PAGE2B: variants seen among roughly 807,000 people sequenced by gnomAD.
The protein encoded by PAGE2B is putative G antigen family E member 3.
A neutral mutation model predicts 7.6 loss-of-function variants in PAGE2B; 5 were observed. The observed-to-expected ratio is 0.66, with a 90% CI of 0.34 to 1.38. PAGE2B has a LOEUF of 1.38. Ranked by LOEUF, PAGE2B falls within the 40% of genes most tolerant of loss-of-function variation. The pLI is 0.04. For missense variants in PAGE2B, 70 were observed against 78.4 expected (o/e 0.89, Z 0.41); for synonymous variants, 29 against 26.7 (o/e 1.09, Z -0.27).
At chrX:55,038,249 T>C in the PAGE2B span, among the ~76,000 whole-genome samples, 10 of 110,759 alleles carry the variant, frequency 9.0e-5, no homozygotes, top group Non-Finnish European at 1.9e-4. Flanking sequence ...AATTTTGCCT[T>C]TCCCCATTTA....
At chrX:55,028,841 G>T in the PAGE2B span, among the ~76,000 whole-genome samples, 1 of 111,176 alleles carries the variant, frequency 9.0e-6, no homozygotes, top group Non-Finnish European at 1.9e-5. Flanking sequence ...GTCAATTTAG[G>T]GTATAAAGAG....
At chrX:55,030,145 A>C in the PAGE2B span, among the ~76,000 whole-genome samples, 1 of 111,585 alleles carries the variant, frequency 9.0e-6, no homozygotes, top group Non-Finnish European at 1.9e-5. Context: ...AAACAGGAAA[A>C]TTTAGAAGAT....
chrX:55,044,580 A>C, the PAGE2B span, among the ~76,000 whole-genome samples: 2 of 109,350 alleles, frequency 1.8e-5, no homozygotes, highest in African/African-American at 6.8e-5. Context: ...ATGAAACATC[A>C]CCTATTCCCC....
chrX:55,028,440 T>C, the PAGE2B span, among the ~76,000 whole-genome samples: 101 of 110,761 alleles, frequency 9.1e-4, no homozygotes, highest in African/African-American at 3.2e-3. Context: ...GCCAACAACA[T>C]TGGGGTATGT....
chrX:55,074,194 C>A (rs1304088975), upstream of PAGE2B, among the ~76,000 whole-genome samples: 1 of 111,289 alleles, frequency 9.0e-6, no homozygotes, highest in Non-Finnish European at 1.9e-5. Flanking sequence ...AGGAAGATGG[C>A]TATTGTCCCA....
the PAGE2B span, among the ~76,000 whole-genome samples, chrX:55,060,613 T>C: frequency 4.2e-3 from 469 of 111,796 alleles, 3 homozygotes; most frequent in African/African-American, 0.015. Context: ...TGCAAAAGCT[T>C]TTTACTTTGA....
At chrX:55,051,744 A>C in the PAGE2B span, among the ~76,000 whole-genome samples, 1 of 110,503 alleles carries the variant, frequency 9.0e-6, no homozygotes, top group Admixed American at 9.7e-5. Flanking sequence ...CTTCTTTGTC[A>C]TTTGTTCGAA....
the PAGE2B span, among the ~76,000 whole-genome samples, chrX:55,062,977 A>G: frequency 5.4e-3 from 599 of 111,482 alleles, 1 homozygote; most frequent in African/African-American, 0.018. Flanking sequence ...TTTTTATGCC[A>G]GTACTGTGTT....
chrX:55,077,281 C>A lies in PAGE2B; in HGVS notation c.194-118C>A, dbSNP rs760596339. On this transcript the variant is annotated intron_variant, in intron 3 of 4. Transcript: ENST00000374971. ...TTTCCTGTTTTCCTGGCAGCAGATT[C>A]CTGAAATAATTAGCCTACAGGTTTT... 278 of 1,100,694 alleles carry A rather than the reference C, an allele frequency of 2.5e-4. No homozygotes were observed. The South Asian group carries it at 5.9e-3, about 23-fold the overall frequency. 90.7% of individuals were successfully genotyped at this position (1,100,694 alleles called of 1,213,427 possible).
the PAGE2B span, among the ~76,000 whole-genome samples, chrX:55,048,805 C>T: frequency 2.7e-5 from 3 of 111,417 alleles, no homozygotes; most frequent in African/African-American, 9.8e-5. Flanking sequence ...ATTTCCTTCT[C>T]CTGCCTGATT....
chrX:55,030,844 A>G, the PAGE2B span: 86 of 205,526 alleles, frequency 4.2e-4, no homozygotes, highest in Non-Finnish European at 7.8e-4. Context: ...AACAAAGGAA[A>G]AAGTCAGATC....
the PAGE2B span, among the ~76,000 whole-genome samples, chrX:55,066,555 C>G: frequency 1.8e-5 from 2 of 112,078 alleles, no homozygotes; most frequent in Admixed American, 1.9e-4. Flanking sequence ...ACCAGATATA[C>G]TCTTCTAGGA....
chrX:55,077,774 G>A (rs1447678731), intron 4 of PAGE2B, among the ~76,000 whole-genome samples: 2 of 112,741 alleles, frequency 1.8e-5, no homozygotes, highest in Non-Finnish European at 3.7e-5. Context: ...AGGACTTCCA[G>A]AGATGGAGAA....
At chrX:55,037,630 T>C in the PAGE2B span, among the ~76,000 whole-genome samples, 5 of 110,562 alleles carry the variant, frequency 4.5e-5, no homozygotes, top group Non-Finnish European at 7.6e-5. Context: ...CTATTCACAA[T>C]AGCAAAGACT....
the PAGE2B span, among the ~76,000 whole-genome samples, chrX:55,053,448 G>T: frequency 9.0e-6 from 1 of 111,662 alleles, no homozygotes; most frequent in Admixed American, 9.5e-5. Context: ...GGGTTAATAG[G>T]TGCAGCAAAC....
At chrX:55,028,525 T>C in the PAGE2B span, among the ~76,000 whole-genome samples, 8 of 111,750 alleles carry the variant, frequency 7.2e-5, no homozygotes, top group South Asian at 3.0e-3. Context: ...ACCTACCTCC[T>C]GTATATAAAA....
the PAGE2B span, among the ~76,000 whole-genome samples, chrX:55,045,991 T>C: frequency 3.6e-5 from 4 of 111,775 alleles, no homozygotes; most frequent in Non-Finnish European, 7.5e-5. Flanking sequence ...AACAGGCACA[T>C]AAACAGGAAA....
rs928984013 is a variant in PAGE2B at position 55,076,428 on chromosome X, G to GTA, written c.85-134_85-133dup. ...TATATGTATGTATATACGTATGTAT[G>GTA]TATATATACATATATGTATATACAT... On this transcript the variant is annotated intron_variant, in intron 2 of 4. Transcript: ENST00000374971. 5.4e-6 allele frequency: 3 copies of GTA among 558,363 alleles called. No individual in the cohort carries two copies. The African/African-American group carries it at 7.3e-5, about 14-fold the overall frequency. The allele number at this position is 558,363 out of a possible 1,213,427, so 46.0% of individuals were successfully genotyped here.
At chrX:55,068,061 T>C in the PAGE2B span, among the ~76,000 whole-genome samples, 1 of 112,727 alleles carries the variant, frequency 8.9e-6, no homozygotes. Context: ...TTTAGTTTAA[T>C]CAGATTCCAT....
Sources: gnomAD v4.1 joint callset for allele counts (sites outside exome capture counted in the v4.1 genomes callset) on GRCh38, gnomAD v4.1.1 for gene constraint, MANE v1.5 for transcripts, NCBI Gene and HGNC (gene_info 2026-07-23, HGNC 2026-07-21) for gene names.